The following MAGEL2 variants were observed in gnomAD, a reference collection of about 807,000 sequenced individuals.
The protein encoded by MAGEL2 is MAGE-like protein 2.
For synonymous variants in MAGEL2, 792 were observed against 721.7 expected, an observed-to-expected ratio of 1.10 and a Z score of -1.56; for missense variants, 1,830 against 1,699.2, an observed-to-expected ratio of 1.08 and a Z score of -1.35.
At position 23,647,486 on chromosome 15, in the gene MAGEL2, C is replaced by T. The variant is rs762897647; in HGVS notation, c.257G>A (p.Gly86Glu). Reference sequence around the variant, plus strand: ...CGGGGGAGCCGGGACTATCGGGCCCCCTAGGGCAGGAGGCTGGGTCATCGG... The same window carrying T: ...CGGGGGAGCCGGGACTATCGGGCCCTCTAGGGCAGGAGGCTGGGTCATCGG... ...VVPMTQPPAL[G>E]GPIVPAPPLG... Residue 86 changes from glycine to glutamate, a missense_variant, in exon 1 of 1, where the codon GGG (glycine) becomes GAG (glutamate). By Grantham distance (98) the Gly-to-Glu change is moderately conservative (BLOSUM62 -2). Coordinates refer to ENST00000650528, the MANE Select transcript of MAGEL2 (RefSeq NM_019066.5). 1.3e-6 allele frequency: 2 copies of T among 1,532,722 alleles called. No individual in the cohort carries two copies. 94.9% of individuals were successfully genotyped at this position (1,532,722 alleles called of 1,614,324 possible). A position where few individuals can be genotyped will look rare whatever the true frequency, so the allele number is the denominator to read the frequency against.
Position 23,643,936 on chromosome 15 carries a change from A to G in MAGEL2, c.*57T>C. 6.7e-7 allele frequency: 1 copy of G among 1,483,174 alleles called. No homozygotes were observed. Among genetic ancestry groups the G allele is most frequent in the Non-Finnish European group, 9.0e-7 (1 of 1,116,926 alleles). 91.9% of individuals were successfully genotyped at this position (1,483,174 alleles called of 1,614,324 possible). ...ACACCAGGAACAAAAATGTCCCCCC[A>G]CCCTGTCAGTGGCCTCTGGCCAGGG... On this transcript the variant is annotated 3_prime_UTR_variant, in exon 1 of 1. Coordinates refer to ENST00000650528, the MANE Select transcript of MAGEL2 (RefSeq NM_019066.5).
At position 23,646,097 on chromosome 15, in the gene MAGEL2, G is replaced by T; in HGVS notation, c.1646C>A (p.Thr549Lys). The change falls in exon 1 of 1, where the codon ACG (threonine) becomes AAG (lysine). Residue 549 changes from threonine (T) to lysine (K), a missense_variant. Thr to Lys is a moderately conservative substitution (Grantham distance 78). Coordinates refer to ENST00000650528, the MANE Select transcript of MAGEL2 (RefSeq NM_019066.5). This position sits in a 1 kb window ranked among gnomAD's most constrained non-coding sequence, Gnocchi z 4.2. The part of the protein sequence containing the change: ...APQVPTAPPA[T>K]QVPAAPPAGP... ...AGCGGGCGGCGCCGCGGGTACCTGCGTAGCAGGTGGGGCCGTAGGCACCTG... is the reference window on the plus strand; with the variant it reads ...AGCGGGCGGCGCCGCGGGTACCTGCTTAGCAGGTGGGGCCGTAGGCACCTG... The T allele has an allele frequency of 1.4e-6, 2 of 1,431,462 alleles. No individual in the cohort carries two copies. Among genetic ancestry groups the T allele is most frequent in the Non-Finnish European group, 1.8e-6 (2 of 1,101,608 alleles). The allele number at this position is 1,431,462 out of a possible 1,614,324, so 88.7% of individuals were successfully genotyped here.
rs1890422040 is a variant in MAGEL2 at position 23,646,941 on chromosome 15, T to A, written c.802A>T (p.Met268Leu). 2.6e-6 allele frequency: 4 copies of A among 1,536,888 alleles called. No homozygotes were observed. The East Asian group carries it at 9.8e-5, about 38-fold the overall frequency. Reference sequence around the variant, plus strand: ...GCTCCTGAAGGCTGAGGCTGGGTCATCATGGCTGCTGGAGGCGGCTGGACC... The same window carrying A: ...GCTCCTGAAGGCTGAGGCTGGGTCAACATGGCTGCTGGAGGCGGCTGGACC... ...PMVQPPPAAM[M>L]TQPQPSGAPM... The change falls in exon 1 of 1, where the codon ATG (methionine) becomes TTG (leucine). Residue 268 changes from methionine (M) to leucine (L), a missense_variant. Met to Leu is a conservative substitution (Grantham distance 15). Coordinates refer to ENST00000650528, the MANE Select transcript of MAGEL2 (RefSeq NM_019066.5). This position sits in a 1 kb window ranked among gnomAD's most constrained non-coding sequence, Gnocchi z 4.2.
Position 23,647,840 on chromosome 15 carries a change from C to G in MAGEL2, c.-98G>C, listed in dbSNP as rs1034338621. 8.0e-7 allele frequency: 1 copy of G among 1,254,984 alleles called. No homozygotes were observed. The highest frequency in any genetic ancestry group is 3.2e-5 in the Admixed American group (1 of 31,520). The allele number at this position is 1,254,984 out of a possible 1,614,324, so 77.7% of individuals were successfully genotyped here. A position where few individuals can be genotyped will look rare whatever the true frequency, so the allele number is the denominator to read the frequency against. On this transcript the variant is annotated 5_prime_UTR_variant, in exon 1 of 1. Coordinates refer to ENST00000650528, the MANE Select transcript of MAGEL2 (RefSeq NM_019066.5). ...TGCCTACGTGGCTGTTCAGAGGCTCCCTCCCTGCTGAATGCTGAATAGGAA... is the reference window on the plus strand; with the variant it reads ...TGCCTACGTGGCTGTTCAGAGGCTCGCTCCCTGCTGAATGCTGAATAGGAA...
chr15:23,647,768 C>T lies in MAGEL2; in HGVS notation c.-26G>A. ...GTCCCTTTGCTGACAGCTGGTGGGTCTTTTCCTCGGACAGCTGCTGGGCCT... is the reference window on the plus strand; with the variant it reads ...GTCCCTTTGCTGACAGCTGGTGGGTTTTTTCCTCGGACAGCTGCTGGGCCT... On this transcript the variant is annotated 5_prime_UTR_variant, in exon 1 of 1. Transcript: ENST00000650528. The T allele has an allele frequency of 7.0e-7, 1 of 1,435,220 alleles. No homozygotes were observed. Among genetic ancestry groups the T allele is most frequent in the Non-Finnish European group, 9.1e-7 (1 of 1,099,676 alleles). The allele number at this position is 1,435,220 out of a possible 1,614,324, so 88.9% of individuals were successfully genotyped here. A position where few individuals can be genotyped will look rare whatever the true frequency, so the allele number is the denominator to read the frequency against.
Position 23,646,012 on chromosome 15 carries a change from CGGGGCAGACAGT to C in MAGEL2, c.1719_1730del (p.Leu574_Pro577del), listed in dbSNP as rs763432934. ...TGATGGAAGGGCAGTGCACAGCCTG[CGGGGCAGACAGT>C]GGGGCAGACAGCGGGGCCGGCAGCA... On this transcript the variant is annotated inframe_deletion, in exon 1 of 1. Coordinates refer to ENST00000650528, the MANE Select transcript of MAGEL2 (RefSeq NM_019066.5). The surrounding 1 kb of genome is among the most constrained non-coding windows in gnomAD (Gnocchi z 4.2). The C allele has an allele frequency of 1.0e-5, 16 of 1,549,800 alleles. No individual in the cohort carries two copies. The highest frequency in any genetic ancestry group is 2.0e-5 in the Admixed American group (1 of 50,996).
Position 23,644,501 on chromosome 15 carries a change from T to A in MAGEL2, c.3242A>T (p.Asp1081Val), listed in dbSNP as rs1196864455. 1 of 1,613,896 alleles carries A rather than the reference T, an allele frequency of 6.2e-7. No individual in the cohort carries two copies. The highest frequency in any genetic ancestry group is 1.1e-5 in the South Asian group (1 of 91,062). ...CAFGYQLKEI[D>V]TKNHAYIIIN... ...GATAATATAGGCGTGGTTTTTGGTA[T>A]CAATTTCTTTCAATTGATAACCAAA... The change falls in exon 1 of 1, where the codon GAT (aspartate) becomes GTT (valine). Residue 1081 changes from aspartate to valine, a missense_variant. Asp to Val is a radical substitution (Grantham distance 152). Coordinates refer to ENST00000650528, the MANE Select transcript of MAGEL2 (RefSeq NM_019066.5).
chr15:23,644,778 G>A lies in MAGEL2; in HGVS notation c.2965C>T (p.Leu989=), dbSNP rs185434800. ...LGLSESPGSS[L]PVVVSEVASV... ...GCGACCTCAGACACAACTACGGGCA[G>A]AGAGCTCCCTGGGCTTTCAGAGAGA... is the stretch of plus-strand genomic sequence containing the variant. The change falls in exon 1 of 1, where the codon CTG becomes TTG. Residue 989 remains leucine (L), a synonymous_variant. Coordinates refer to ENST00000650528, the MANE Select transcript of MAGEL2 (RefSeq NM_019066.5). 6.2e-7 allele frequency: 1 copy of A among 1,613,684 alleles called. No individual in the cohort carries two copies. Among genetic ancestry groups the A allele is most frequent in the Non-Finnish European group, 8.5e-7 (1 of 1,179,882 alleles).
In MAGEL2 at chr15:23,645,096, C is replaced by G. The variant is rs1459626677; in HGVS notation, c.2647G>C (p.Gly883Arg). The change falls in exon 1 of 1, where the codon GGC (glycine) becomes CGC (arginine). Residue 883 changes from glycine to arginine, a missense_variant. Transcript: ENST00000650528. ...KTSVEPPRRSGKATRKKKHLE... is the reference protein window; with the variant it reads ...KTSVEPPRRSRKATRKKKHLE... Reference sequence around the variant, plus strand: ...TGCTTCTTCTTCCGGGTGGCCTTGCCGGAGCGGCGTGGCGGCTCGACGGAG... The same window carrying G: ...TGCTTCTTCTTCCGGGTGGCCTTGCGGGAGCGGCGTGGCGGCTCGACGGAG... 2 of 1,613,892 alleles carry G rather than the reference C, an allele frequency of 1.2e-6. No individual in the cohort carries two copies. Among genetic ancestry groups the G allele is most frequent in the Non-Finnish European group, 1.7e-6 (2 of 1,179,904 alleles).
rs758183836 is a variant in MAGEL2, at chr15:23,644,499, T to C, written c.3244A>G (p.Thr1082Ala). ...ATGATAATATAGGCGTGGTTTTTGGTATCAATTTCTTTCAATTGATAACCA... is the reference window on the plus strand; with the variant it reads ...ATGATAATATAGGCGTGGTTTTTGGCATCAATTTCTTTCAATTGATAACCA... ...AFGYQLKEID[T>A]KNHAYIIINK... is the part of the protein sequence containing the mutation. Residue 1082 changes from threonine (T) to alanine (A), a missense_variant, in exon 1 of 1, where the codon ACC becomes GCC. Physicochemically the swap from Thr to Ala is moderately conservative, Grantham distance 58. Coordinates refer to ENST00000650528, the MANE Select transcript of MAGEL2 (RefSeq NM_019066.5). 2.5e-6 allele frequency: 4 copies of C among 1,613,940 alleles called. No individual in the cohort carries two copies. In the East Asian group the frequency reaches 6.7e-5, roughly 27 times the overall value.
In MAGEL2 at chr15:23,645,089, G is replaced by T; in HGVS notation, c.2654C>A (p.Ala885Asp). 6.2e-7 allele frequency: 1 copy of T among 1,613,902 alleles called. No individual in the cohort carries two copies. Among genetic ancestry groups the T allele is most frequent in the African/African-American group, 1.3e-5 (1 of 75,078 alleles). The change falls in exon 1 of 1, where the codon GCC (alanine) becomes GAC (aspartate). Residue 885 changes from alanine (A) to aspartate (D), a missense_variant. Transcript: ENST00000650528. The stretch of plus-strand genomic sequence containing the variant: ...TTCCAGATGCTTCTTCTTCCGGGTG[G>T]CCTTGCCGGAGCGGCGTGGCGGCTC... ...SVEPPRRSGK[A>D]TRKKKHLEAQ...
In MAGEL2 at chr15:23,645,307, C is replaced by T. The variant is rs1445516490; in HGVS notation, c.2436G>A (p.Glu812=). The T allele has an allele frequency of 1.9e-6, 3 of 1,613,994 alleles. No homozygotes were observed. The highest frequency in any genetic ancestry group is 2.2e-5 in the East Asian group (1 of 44,868). ...GAGCATATGGCAGTGACTTTGGGGT[C>T]TCTGAGGCAGCAGAGGGGCCTTTAA... The part of the protein sequence containing the change: ...NAFKGPSAAS[E]TPKSLPYALQ... The change falls in exon 1 of 1, where the codon GAG becomes GAA. Residue 812 remains glutamate (E), a synonymous_variant. Transcript: ENST00000650528.
At position 23,647,182 on chromosome 15, in the gene MAGEL2, G is replaced by C. The variant is rs978397018; in HGVS notation, c.561C>G (p.Thr187=). The change falls in exon 1 of 1, where the codon ACC becomes ACG. Residue 187 remains threonine, a synonymous_variant. Transcript: ENST00000650528. ...TPMVHPPPPG[T]PMAHPPPPGT... ...CCGGAGGGGGAGGATGAGCCATCGG[G>C]GTCCCCGGAGGAGGAGGATGCACCA... 3 of 1,519,988 alleles carry C rather than the reference G, an allele frequency of 2.0e-6. No homozygotes were observed. Among genetic ancestry groups the C allele is most frequent in the Non-Finnish European group, 2.6e-6 (3 of 1,139,452 alleles). The allele number at this position is 1,519,988 out of a possible 1,614,324, so 94.2% of individuals were successfully genotyped here. A position where few individuals can be genotyped will look rare whatever the true frequency, so the allele number is the denominator to read the frequency against.
Position 23,646,181 on chromosome 15 carries a change from G to A in MAGEL2, c.1562C>T (p.Pro521Leu). ...AGCCTGCGGGGCCTGCCGCAGTGGA[G>A]GTGGGGGTGGCAGGGCCTGCCAGAG... ...PPLWQALPPP[P>L]PLRQAPQARL... is the part of the protein sequence containing the mutation. The change falls in exon 1 of 1, where the codon CCT becomes CTT. Residue 521 changes from proline (P) to leucine (L), a missense_variant. By Grantham distance (98) the Pro-to-Leu change is moderately conservative. Coordinates refer to ENST00000650528, the MANE Select transcript of MAGEL2 (RefSeq NM_019066.5). This position sits in a 1 kb window ranked among gnomAD's most constrained non-coding sequence, Gnocchi z 4.2. The A allele has an allele frequency of 7.5e-7, 1 of 1,338,658 alleles. No homozygotes were observed. Among genetic ancestry groups the A allele is most frequent in the Non-Finnish European group, 9.5e-7 (1 of 1,053,078 alleles). The allele number at this position is 1,338,658 out of a possible 1,614,324, so 82.9% of individuals were successfully genotyped here.
Position 23,647,772 on chromosome 15 carries a change from T to C in MAGEL2, c.-30A>G, listed in dbSNP as rs1890454272. 1 of 1,434,034 alleles carries C rather than the reference T, an allele frequency of 7.0e-7. No individual in the cohort carries two copies. The highest frequency in any genetic ancestry group is 9.1e-7 in the Non-Finnish European group (1 of 1,099,232). The allele number at this position is 1,434,034 out of a possible 1,614,324, so 88.8% of individuals were successfully genotyped here. A position where few individuals can be genotyped will look rare whatever the true frequency, so the allele number is the denominator to read the frequency against. ...CTTTGCTGACAGCTGGTGGGTCTTT[T>C]CCTCGGACAGCTGCTGGGCCTTTTC... On this transcript the variant is annotated 5_prime_UTR_variant, in exon 1 of 1. Coordinates refer to ENST00000650528, the MANE Select transcript of MAGEL2 (RefSeq NM_019066.5).
rs371598912 is a variant in MAGEL2, at chr15:23,645,566, A to G, written c.2177T>C (p.Ile726Thr). 3 of 1,611,500 alleles carry G rather than the reference A, an allele frequency of 1.9e-6. No individual in the cohort carries two copies. The highest frequency in any genetic ancestry group is 1.1e-5 in the South Asian group (1 of 90,808). Residue 726 changes from isoleucine to threonine, a missense_variant, in exon 1 of 1, where the codon ATA (isoleucine) becomes ACA (threonine). Ile to Thr is a moderately conservative substitution (Grantham distance 89). Transcript: ENST00000650528. ...CTCTTTAGAGGAGCCCCTGCGGTCT[A>G]TAGAAGAGGCCCTGCATTCTCCTGA... Reference protein sequence around the residue: ...TPSGECRASSIDRRGSSKERR... With the variant: ...TPSGECRASSTDRRGSSKERR...
rs1010032723 is a variant in MAGEL2, at chr15:23,646,537, G to A, written c.1206C>T (p.Thr402=). 6.8e-7 allele frequency: 1 copy of A among 1,473,170 alleles called. No homozygotes were observed. Among genetic ancestry groups the A allele is most frequent in the Non-Finnish European group, 8.9e-7 (1 of 1,118,666 alleles). The allele number at this position is 1,473,170 out of a possible 1,614,324, so 91.3% of individuals were successfully genotyped here. The change falls in exon 1 of 1, where the codon ACC becomes ACT. Residue 402 remains threonine, a synonymous_variant. Coordinates refer to ENST00000650528, the MANE Select transcript of MAGEL2 (RefSeq NM_019066.5). The surrounding 1 kb of genome is among the most constrained non-coding windows in gnomAD (Gnocchi z 4.2). ...TQVTWQAPAV[T]WQVPPPMRQG... ...GGCGCATGGGCGGCGGCACCTGCCA[G>A]GTAACGGCTGGTGCCTGCCAGGTGA...
In MAGEL2 at chr15:23,647,644, C is replaced by A; in HGVS notation, c.99G>T (p.Pro33=). 2.6e-6 allele frequency: 4 copies of A among 1,536,304 alleles called. No homozygotes were observed. Among genetic ancestry groups the A allele is most frequent in the African/African-American group, 2.7e-5 (2 of 73,140 alleles). The part of the protein sequence containing the change: ...YSRPTVLMRA[P]PASSRAPPVP... ...CTGGCGGAGCCCGGGAGGAAGCGGG[C>A]GGGGCCCGCATCAGAACCGTAGGGC... Residue 33 remains proline, a synonymous_variant, in exon 1 of 1, where the codon CCG becomes CCT. Transcript: ENST00000650528.
chr15:23,646,898 G>T lies in MAGEL2; in HGVS notation c.845C>A (p.Pro282Gln). The T allele has an allele frequency of 6.5e-7, 1 of 1,537,064 alleles. No homozygotes were observed. Among genetic ancestry groups the T allele is most frequent in the Non-Finnish European group, 8.7e-7 (1 of 1,146,886 alleles). ...ATGAATCATCAGGACTCCTGGACCT[G>T]GAGGCTTGGCCATCGGTGCTCCTGA... ...QPSGAPMAKP[P>Q]GPGVLMIHPP... is the part of the protein sequence containing the mutation. Residue 282 changes from proline (P) to glutamine (Q), a missense_variant, in exon 1 of 1, where the codon CCA becomes CAA. Transcript: ENST00000650528. This position sits in a 1 kb window ranked among gnomAD's most constrained non-coding sequence, Gnocchi z 4.2.
Sources: allele counts gnomAD v4.1 joint callset, GRCh38; gene constraint gnomAD v4.1.1; non-coding constraint Gnocchi (gnomAD v3.1); transcripts MANE v1.5; gene names NCBI Gene and HGNC (gene_info 2026-07-23, HGNC 2026-07-21).